SH3TC1: variants seen among roughly 807,000 people sequenced by gnomAD.
SH3TC1 encodes SH3 domain and tetratricopeptide repeats 1.
A neutral mutation model predicts 117.3 loss-of-function variants in SH3TC1; 135 were observed. The observed-to-expected ratio is 1.15, with a 90% CI of 1.00 to 1.33. The LOEUF is 1.33. Among genes scored for constraint, SH3TC1 ranks in the 40% most tolerant of loss-of-function variants. The probability of loss-of-function intolerance (pLI) is 0.00; values close to 1 mark genes in which losing one functional copy is unlikely to be tolerated. For synonymous variants in SH3TC1, 898 were observed against 816.9 expected (o/e 1.10, Z -1.69); for missense variants, 2,092 against 1,794.3 (o/e 1.17, Z -3.00).
intron 1 of SH3TC1, among the ~76,000 whole-genome samples, chr4:8,189,239 C>T (rs966196877): frequency 7.2e-5 from 11 of 152,384 alleles, no homozygotes; most frequent in Middle Eastern, 3.4e-3. Context: ...GTGCTGGGCA[C>T]GTGGCCCACA....
At position 8,227,226 on chromosome 4, in the gene SH3TC1, A is replaced by G; in HGVS notation, c.1532A>G (p.Tyr511Cys). The change falls in exon 12 of 18, where the codon TAC (tyrosine) becomes TGC (cysteine). Residue 511 changes from tyrosine to cysteine, a missense_variant. By Grantham distance (194) the Tyr-to-Cys change is radical. Transcript: ENST00000245105. Reference sequence around the variant, plus strand: ...CTGCTGTTCCTGAACGCCCCTGGGTACAAGGCCAGCTTCCGTGGCCTGTAC... The same window carrying G: ...CTGCTGTTCCTGAACGCCCCTGGGTGCAAGGCCAGCTTCCGTGGCCTGTAC... ...SLLLFLNAPG[Y>C]KASFRGLYDV... 3 of 1,576,636 alleles carry G rather than the reference A, an allele frequency of 1.9e-6. No homozygotes were observed. The highest frequency in any genetic ancestry group is 2.6e-6 in the Non-Finnish European group (3 of 1,159,434).
intron 5 of SH3TC1, among the ~76,000 whole-genome samples, chr4:8,215,424 G>A (rs1578683212): frequency 2.0e-5 from 3 of 152,196 alleles, no homozygotes; most frequent in African/African-American, 4.8e-5. Flanking sequence ...CACTGTGGAC[G>A]TGGGCTTCTT....
chr4:8,223,998 G>A (rs568314760), intron 10 of SH3TC1, among the ~76,000 whole-genome samples: 3 of 151,784 alleles, frequency 2.0e-5, no homozygotes. Flanking sequence ...ACACAAATAC[G>A]CATGTAAATA....
At chr4:8,236,460 C>T (rs781335610) in intron 16 of SH3TC1, 32 bp downstream of exon 16, 7 of 1,413,742 alleles carry the variant, frequency 5.0e-6, no homozygotes, top group Non-Finnish European at 6.5e-6. Context: ...CCTGCCAGGA[C>T]CCACACTTTG....
rs940799555 is a variant in SH3TC1 at position 8,209,296 on chromosome 4, T to G, written c.173-452T>G. ...GCCCTCCATGGAATCACAGGGCTTT[T>G]GTAGGAGGAAGGCAGGAGGGAGAGG... On this transcript the variant is annotated intron_variant, in intron 2 of 17. Transcript: ENST00000245105. The surrounding 1 kb of genome is among the most constrained non-coding windows in gnomAD (Gnocchi z 5.9). Among the ~76,000 whole-genome samples, 2 of 152,122 alleles carry G rather than the reference T, an allele frequency of 1.3e-5. No individual in the cohort carries two copies. The highest frequency in any genetic ancestry group is 1.3e-4 in the Admixed American group (2 of 15,274).
chr4:8,221,667 G>A (rs1719930002), intron 9 of SH3TC1, among the ~76,000 whole-genome samples: 1 of 152,142 alleles, frequency 6.6e-6, no homozygotes, highest in South Asian at 2.1e-4. Context: ...AATGCAGTAT[G>A]TGGTTCCTAA....
At chr4:8,238,044 G>T (rs1488991781) in intron 17 of SH3TC1, among the ~76,000 whole-genome samples, 9 of 152,152 alleles carry the variant, frequency 5.9e-5, no homozygotes, top group African/African-American at 1.9e-4. Context: ...AAGGACATTT[G>T]GGGGGATGGC....
Position 8,225,072 on chromosome 4 carries a change from C to G in SH3TC1, c.1244-103C>G. On this transcript the variant is annotated intron_variant, in intron 10 of 17. Coordinates refer to ENST00000245105, the MANE Select transcript of SH3TC1 (RefSeq NM_018986.5). The surrounding 1 kb of genome is among the most constrained non-coding windows in gnomAD (Gnocchi z 5.5). ...ACATCTCAGCCCTCAATACCTGCACCCAGCAATGCTCTCACCCTGCAACAT... is the reference window on the plus strand; with the variant it reads ...ACATCTCAGCCCTCAATACCTGCACGCAGCAATGCTCTCACCCTGCAACAT... The G allele has an allele frequency of 7.2e-7, 1 of 1,390,672 alleles. No homozygotes were observed. The highest frequency in any genetic ancestry group is 1.2e-5 in the South Asian group (1 of 81,242). 86.1% of individuals were successfully genotyped at this position (1,390,672 alleles called of 1,614,324 possible).
At position 8,227,616 on chromosome 4, in the gene SH3TC1, C is replaced by T. The variant is rs761728948; in HGVS notation, c.1922C>T (p.Thr641Ile). 1.3e-6 allele frequency: 2 copies of T among 1,525,268 alleles called. No individual in the cohort carries two copies. Among genetic ancestry groups the T allele is most frequent in the Non-Finnish European group, 1.8e-6 (2 of 1,139,660 alleles). 94.5% of individuals were successfully genotyped at this position (1,525,268 alleles called of 1,614,324 possible). ...GGGACGCCTGACCACATCTGCAGCA[C>T]CGAGGCGGAGGGGGAGCTCCTGCAG... ...LLGTPDHICSTEAEGELLQLA... is the reference protein window; with the variant it reads ...LLGTPDHICSIEAEGELLQLA... The change falls in exon 12 of 18, where the codon ACC becomes ATC. Residue 641 changes from threonine to isoleucine, a missense_variant. Transcript: ENST00000245105.
At position 8,183,455 on chromosome 4, in the gene SH3TC1, C is replaced by G. The variant is rs77971472; in HGVS notation, c.-57+1245C>G. Among the ~76,000 whole-genome samples the G allele has an allele frequency of 6.6e-6, 1 of 152,130 alleles. No individual in the cohort carries two copies. Among genetic ancestry groups the G allele is most frequent in the Non-Finnish European group, 1.5e-5 (1 of 68,014 alleles). On this transcript the variant is annotated intron_variant, in intron 1 of 16. Transcript: ENST00000508641. The surrounding 1 kb of genome is among the most constrained non-coding windows in gnomAD (Gnocchi z 5.4). ...GGGAGGCGTGGCCCAGGGAGGCTCCCGGGCTGGCCTGAGGCCCATGGCAAG... is the reference window on the plus strand; with the variant it reads ...GGGAGGCGTGGCCCAGGGAGGCTCCGGGGCTGGCCTGAGGCCCATGGCAAG...
Position 8,221,089 on chromosome 4 carries a change from AC to A in SH3TC1, c.1112+1560del, listed in dbSNP as rs758669744. On this transcript the variant is annotated intron_variant, in intron 9 of 17. Coordinates refer to ENST00000245105, the MANE Select transcript of SH3TC1 (RefSeq NM_018986.5). ...ACTTACTTAACCTCCAGAATCCTCC[AC>A]AACCCTGTTTGCTTTTGGCTGAGCT... Among the ~76,000 whole-genome samples the A allele has an allele frequency of 4.6e-5, 7 of 152,276 alleles. No homozygotes were observed. In the East Asian group the frequency reaches 1.4e-3, roughly 29 times the overall value.
At chr4:8,182,888 A>G (rs886631596) in intron 1 of SH3TC1, among the ~76,000 whole-genome samples, 6 of 152,176 alleles carry the variant, frequency 3.9e-5, no homozygotes, top group African/African-American at 1.4e-4. Flanking sequence ...AGTCCCCCTC[A>G]TGGGGCCAGG....
chr4:8,240,514 T>G (rs1179254293), intron 17 of SH3TC1, among the ~76,000 whole-genome samples, 184 bp from the exon 18 acceptor site: 2 of 152,188 alleles, frequency 1.3e-5, no homozygotes, highest in Non-Finnish European at 2.9e-5. Context: ...TCAGGAATCC[T>G]TCCAGGGGGT....
At chr4:8,230,573 T>G (rs1047109358) in intron 12 of SH3TC1, among the ~76,000 whole-genome samples, 3 of 152,212 alleles carry the variant, frequency 2.0e-5, no homozygotes, top group Admixed American at 6.5e-5. Context: ...TCTCTGTATT[T>G]TTACTTCCCA....
At position 8,222,959 on chromosome 4, in the gene SH3TC1, TGTA is replaced by T; in HGVS notation, c.1233_1235del (p.Tyr412del). ...ATGTCGGGCACCGATGTCTGCAGCG[TGTA>T]CAGCCTGGGTGCGTGTGGGCGATGC... On this transcript the variant is annotated inframe_deletion, in exon 10 of 18. Coordinates refer to ENST00000245105, the MANE Select transcript of SH3TC1 (RefSeq NM_018986.5). The T allele has an allele frequency of 6.2e-7, 1 of 1,611,938 alleles. No homozygotes were observed. Among genetic ancestry groups the T allele is most frequent in the Non-Finnish European group, 8.5e-7 (1 of 1,179,466 alleles).
Position 8,233,450 on chromosome 4 carries a change from G to A in SH3TC1, c.3219G>A (p.Trp1073Ter), listed in dbSNP as rs143232051. 6.2e-7 allele frequency: 1 copy of A among 1,613,898 alleles called. No individual in the cohort carries two copies. The highest frequency in any genetic ancestry group is 1.3e-5 in the African/African-American group (1 of 75,060). Reference protein sequence around the residue: ...LQKKEKEAHAWLQAGKIYYIL... With the variant: ...LQKKEKEAHA Reference sequence around the variant, plus strand: ...AGAAAGAGAAGGAGGCGCATGCCTGGCTGCAAGCAGGGAAGATCTATTACA... The same window carrying A: ...AGAAAGAGAAGGAGGCGCATGCCTGACTGCAAGCAGGGAAGATCTATTACA... The change falls in exon 14 of 18, where the codon TGG becomes TGA. Residue 1073 changes from tryptophan to a stop codon, truncating the protein, a stop_gained. Transcript: ENST00000245105. LOFTEE classifies it high-confidence loss of function.
At chr4:8,188,234 G>A (rs758687292) in intron 1 of SH3TC1, among the ~76,000 whole-genome samples, 3 of 152,180 alleles carry the variant, frequency 2.0e-5, no homozygotes, top group African/African-American at 4.8e-5. Context: ...CTCTGGCCGA[G>A]CTGTCCCATC....
chr4:8,190,958 A>G lies in SH3TC1; in HGVS notation c.-57+8748A>G, dbSNP rs915424235. 5.3e-5 allele frequency among the ~76,000 whole-genome samples: 8 copies of G among 151,744 alleles called. No homozygotes were observed. Among genetic ancestry groups the G allele is most frequent in the African/African-American group, 1.9e-4 (8 of 41,286 alleles). On this transcript the variant is annotated intron_variant, in intron 1 of 16. Transcript: ENST00000508641. The surrounding 1 kb of genome is among the most constrained non-coding windows in gnomAD (Gnocchi z 4.7). Reference sequence around the variant, plus strand: ...CGCCCAGCCCTGGCTCTGTGATTTTACCCTCTCCGCACCTCTGTTCCTTGT... The same window carrying G: ...CGCCCAGCCCTGGCTCTGTGATTTTGCCCTCTCCGCACCTCTGTTCCTTGT...
At position 8,192,575 on chromosome 4, in the gene SH3TC1, C is replaced by T. The variant is rs987367962; in HGVS notation, c.-57+10365C>T. ...GTGGCATGATCTCAGCTCACTGCAACCTCTGCCTACTGGGTTCAAGCAATT... is the reference window on the plus strand; with the variant it reads ...GTGGCATGATCTCAGCTCACTGCAATCTCTGCCTACTGGGTTCAAGCAATT... On this transcript the variant is annotated intron_variant, in intron 1 of 16. Coordinates refer to the SH3TC1 transcript ENST00000508641. This position sits in a 1 kb window ranked among gnomAD's most constrained non-coding sequence, Gnocchi z 4.1. Among the ~76,000 whole-genome samples, 1 of 151,936 alleles carries T rather than the reference C, an allele frequency of 6.6e-6. No individual in the cohort carries two copies. The highest frequency in any genetic ancestry group is 1.5e-5 in the Non-Finnish European group (1 of 68,020).
Sources: allele counts gnomAD v4.1 joint callset (sites outside exome capture counted in the v4.1 genomes callset), GRCh38; gene constraint gnomAD v4.1.1; non-coding constraint Gnocchi (gnomAD v3.1); transcripts MANE v1.5; gene names NCBI Gene and HGNC (gene_info 2026-07-23, HGNC 2026-07-21).